PPP1R9A: variants seen among roughly 807,000 people sequenced by gnomAD.
The protein encoded by PPP1R9A is protein phosphatase 1 regulatory subunit 9A.
Under a neutral mutation model 141.9 loss-of-function variants are expected in PPP1R9A, and 59 were observed. The ratio of observed to expected loss-of-function variants is 0.42; its 90% CI spans 0.34 to 0.52. The LOEUF is 0.52. Ranked by LOEUF, PPP1R9A falls within the 20% of genes least tolerant of loss-of-function variation. The pLI is 0.10. For synonymous variants in PPP1R9A, 500 were observed against 569.7 expected (o/e 0.88, Z 1.74); for missense variants, 1,444 against 1,611.9 (o/e 0.90, Z 1.78).
At chr7:94,949,193 G>T (rs1796198141) in intron 2 of PPP1R9A, among the ~76,000 whole-genome samples, 2 of 152,132 alleles carry the variant, frequency 1.3e-5, no homozygotes, top group Non-Finnish European at 2.9e-5. Context: ...GTGTGAGCTT[G>T]GCTGGGCTTA....
At chr7:94,918,322 T>C (rs1379856729) in intron 2 of PPP1R9A, among the ~76,000 whole-genome samples, 1 of 152,030 alleles carries the variant, frequency 6.6e-6, no homozygotes, top group Admixed American at 6.6e-5. Context: ...TTCAGTAGCA[T>C]ACTCCTGACA....
chr7:94,945,342 A>G (rs979261995), intron 2 of PPP1R9A, among the ~76,000 whole-genome samples: 4 of 152,128 alleles, frequency 2.6e-5, no homozygotes, highest in African/African-American at 9.6e-5. Context: ...GGTCAAATGA[A>G]TACAGCTAGG....
intron 2 of PPP1R9A, among the ~76,000 whole-genome samples, chr7:94,941,626 C>A (rs1287135809): frequency 6.7e-6 from 1 of 150,168 alleles, no homozygotes; most frequent in Non-Finnish European, 1.5e-5. Context: ...TTTTTTTGGC[C>A]TAGGCTGACC....
chr7:95,267,665 TG>T (rs1240005009), intron 12 of PPP1R9A, among the ~76,000 whole-genome samples: 1 of 152,160 alleles, frequency 6.6e-6, no homozygotes, highest in Non-Finnish European at 1.5e-5. Flanking sequence ...TCATTTTCTT[TG>T]TGTCCCACTT....
chr7:95,220,743 T>C (rs775366105), intron 7 of PPP1R9A, among the ~76,000 whole-genome samples: 5 of 152,086 alleles, frequency 3.3e-5, no homozygotes, highest in Non-Finnish European at 5.9e-5. Flanking sequence ...AAGGCAGATA[T>C]AGAAACATCA....
intron 3 of PPP1R9A, among the ~76,000 whole-genome samples, chr7:95,115,659 C>G (rs1163408305): frequency 6.6e-6 from 1 of 151,996 alleles, no homozygotes; most frequent in Non-Finnish European, 1.5e-5. Context: ...TGGCTCATGT[C>G]TATAATCCCA....
intron 2 of PPP1R9A, among the ~76,000 whole-genome samples, chr7:95,047,995 C>CTTTCCCAAGTATAATTA: frequency 6.6e-6 from 1 of 152,084 alleles, no homozygotes; most frequent in South Asian, 2.1e-4. Flanking sequence ...TTTAATTATA[C>CTTTCCCAAGTATAATTA]TTTCCCAAGT....
intron 2 of PPP1R9A, chr7:95,018,653 G>A (rs1042477998): frequency 2.0e-5 from 3 of 152,270 alleles, no homozygotes; most frequent in East Asian, 1.9e-4. Context: ...CAGCCACTGT[G>A]TAAGAGTGAG....
intron 2 of PPP1R9A, among the ~76,000 whole-genome samples, chr7:95,026,992 C>G (rs1806946360): frequency 6.6e-6 from 1 of 152,142 alleles, no homozygotes; most frequent in African/African-American, 2.4e-5. Context: ...GTGAGAATTT[C>G]AAGCCAGTGG....
rs144206416 is a variant in PPP1R9A, at chr7:95,091,826, C to CTT, written c.1396-19420_1396-19419dup. 5.5e-4 allele frequency among the ~76,000 whole-genome samples: 76 copies of CTT among 137,726 alleles called. 1 individual carries two copies. Among genetic ancestry groups the CTT allele is most frequent in the African/African-American group, 1.9e-3 (70 of 36,472 alleles). The allele number at this position is 137,726 out of a possible 152,430, so 90.4% of individuals were successfully genotyped here. Reference sequence around the variant, plus strand: ...TTTGGCATTTGGTGCGTTAATAATGCTTTTTTTTTTTTTTCAAACTAAAGC... The same window carrying CTT: ...TTTGGCATTTGGTGCGTTAATAATGCTTTTTTTTTTTTTTTTCAAACTAAAGC... On this transcript the variant is annotated intron_variant, in intron 2 of 19. Transcript: ENST00000433360.
At chr7:95,223,359 T>G (rs973266440) in intron 7 of PPP1R9A, among the ~76,000 whole-genome samples, 1 of 152,000 alleles carries the variant, frequency 6.6e-6, no homozygotes, top group Non-Finnish European at 1.5e-5. Flanking sequence ...AAGGTAAGAA[T>G]TGCATATGTT....
chr7:94,949,484 G>C (rs1796228668), intron 2 of PPP1R9A, among the ~76,000 whole-genome samples: 1 of 152,180 alleles, frequency 6.6e-6, no homozygotes, highest in Non-Finnish European at 1.5e-5. Context: ...AGGGTCCTCA[G>C]AATTGGATGC....
At chr7:95,117,675 G>A (rs541344686) in intron 3 of PPP1R9A, among the ~76,000 whole-genome samples, 6 of 152,136 alleles carry the variant, frequency 3.9e-5, no homozygotes, top group Non-Finnish European at 8.8e-5. Context: ...TTAATGGTGT[G>A]ACAGTATGGA....
intron 5 of PPP1R9A, among the ~76,000 whole-genome samples, chr7:95,180,490 C>A (rs1833576001): frequency 6.6e-6 from 1 of 152,008 alleles, no homozygotes; most frequent in Non-Finnish European, 1.5e-5. Flanking sequence ...GACCAAGAAC[C>A]CAAAAGCAAA....
chr7:94,935,435 C>G (rs1341333871), intron 2 of PPP1R9A, among the ~76,000 whole-genome samples: 2 of 152,288 alleles, frequency 1.3e-5, no homozygotes, highest in East Asian at 3.9e-4. Flanking sequence ...TGGGAAACTT[C>G]ATACCATGCC....
At chr7:95,027,646 T>C (rs1378835928) in intron 2 of PPP1R9A, among the ~76,000 whole-genome samples, 1 of 152,232 alleles carries the variant, frequency 6.6e-6, no homozygotes. Flanking sequence ...GCAAACATCA[T>C]GGACTTTATT....
chr7:95,151,446 GT>G (rs1442508539), intron 4 of PPP1R9A, among the ~76,000 whole-genome samples: 1 of 152,136 alleles, frequency 6.6e-6, no homozygotes, highest in Non-Finnish European at 1.5e-5. Context: ...AAAGATCATT[GT>G]TTGCCGGGGA....
chr7:95,117,234 C>T (rs1821683771), intron 3 of PPP1R9A, among the ~76,000 whole-genome samples: 1 of 151,458 alleles, frequency 6.6e-6, no homozygotes, highest in Non-Finnish European at 1.5e-5. Context: ...TTGCCTGTCC[C>T]TAGGAATGTA....
intron 12 of PPP1R9A, 63 bp downstream of exon 12, chr7:95,252,193 C>CT: frequency 6.9e-7 from 1 of 1,447,000 alleles, no homozygotes; most frequent in Non-Finnish European, 9.1e-7. Flanking sequence ...TTTTATTTTT[C>CT]TTTTTCTGAC....
Sources: gnomAD v4.1 joint callset for allele counts (sites outside exome capture counted in the v4.1 genomes callset) on GRCh38, gnomAD v4.1.1 for gene constraint, MANE v1.5 for transcripts, NCBI Gene and HGNC (gene_info 2026-07-23, HGNC 2026-07-21) for gene names.